ZNF385D: variants seen among roughly 807,000 people sequenced by gnomAD.
ZNF385D encodes zinc finger protein 659.
In ZNF385D, 15 loss-of-function variants were observed where a neutral mutation model predicts 35.8. The ratio of observed to expected loss-of-function variants is 0.42; its 90% confidence interval spans 0.28 to 0.64. The LOEUF (loss-of-function observed/expected upper bound fraction) is 0.64, where lower values mean the gene tolerates loss of function less well. Among genes scored for constraint, ZNF385D ranks in the 30% least tolerant of loss-of-function variants. The pLI is 0.23. For missense variants in ZNF385D, 474 were observed against 494.6 expected, an observed-to-expected ratio of 0.96 and a Z score of 0.39; for synonymous variants, 212 against 186.8, an observed-to-expected ratio of 1.13 and a Z score of -1.10.
intron 4 of ZNF385D, among the ~76,000 whole-genome samples, chr3:21,469,179 G>A (rs1382284524): frequency 3.3e-5 from 5 of 152,146 alleles, no homozygotes; most frequent in Non-Finnish European, 5.9e-5. Context: ...TGTAAATTAT[G>A]CCTCAACAAA....
chr3:22,279,035 G>A (rs779654926), intron 2 of ZNF385D, among the ~76,000 whole-genome samples: 2 of 152,210 alleles, frequency 1.3e-5, no homozygotes, highest in African/African-American at 2.4e-5. Context: ...TTCCTACACA[G>A]AAATGTTACA....
At chr3:22,221,659 G>C (rs545221107) in intron 2 of ZNF385D, among the ~76,000 whole-genome samples, 1 of 152,134 alleles carries the variant, frequency 6.6e-6, no homozygotes, top group East Asian at 1.9e-4. Flanking sequence ...TAATAAAAAA[G>C]ACAACTCATT....
At chr3:21,871,904 G>A (rs1167275337) in intron 3 of ZNF385D, among the ~76,000 whole-genome samples, 1 of 151,934 alleles carries the variant, frequency 6.6e-6, no homozygotes, top group Non-Finnish European at 1.5e-5. Flanking sequence ...GGCTGAGACA[G>A]GAGAATCACT....
chr3:21,891,913 TA>T (rs777379059), intron 3 of ZNF385D, among the ~76,000 whole-genome samples: 1 of 152,170 alleles, frequency 6.6e-6, no homozygotes, highest in Non-Finnish European at 1.5e-5. Flanking sequence ...TCTGTCTGCT[TA>T]ATAGCTTTTT....
intron 3 of ZNF385D, among the ~76,000 whole-genome samples, chr3:22,089,196 T>A (rs912025975): frequency 1.3e-5 from 2 of 152,212 alleles, no homozygotes; most frequent in African/African-American, 2.4e-5. Context: ...GTCTGTAAAC[T>A]GTTTACCATT....
At chr3:21,869,020 A>C (rs564983254) in intron 3 of ZNF385D, among the ~76,000 whole-genome samples, 1 of 152,042 alleles carries the variant, frequency 6.6e-6, no homozygotes, top group Non-Finnish European at 1.5e-5. Context: ...AAAAAACAAC[A>C]TTCATTTTGT....
At chr3:21,461,564 A>G (rs1021516245) in intron 4 of ZNF385D, among the ~76,000 whole-genome samples, 8 of 151,808 alleles carry the variant, frequency 5.3e-5, no homozygotes, top group African/African-American at 1.9e-4. Flanking sequence ...AAACAAACAA[A>G]CAAACAAACA....
Position 21,879,674 on chromosome 3 carries a change from T to C in ZNF385D, c.326-214646A>G, listed in dbSNP as rs138446407. 3.2e-3 allele frequency among the ~76,000 whole-genome samples: 480 copies of C among 152,076 alleles called. 4 individuals are homozygous for C. The highest frequency in any genetic ancestry group is 0.011 in the African/African-American group (458 of 41,530). ...AATAGTCACAGAGGTCAGGAATCAC[T>C]AAACATAAAATAAGCAGCTGTCTCT... is the stretch of plus-strand genomic sequence containing the variant. On this transcript the variant is annotated intron_variant, in intron 3 of 5. Transcript: ENST00000494108.
chr3:21,883,789 T>C (rs570255682), intron 3 of ZNF385D, among the ~76,000 whole-genome samples: 1 of 152,160 alleles, frequency 6.6e-6, no homozygotes, highest in Admixed American at 6.6e-5. Context: ...AATGGGATTA[T>C]TTAGGCAATG....
chr3:22,257,354 C>G (rs1347376931), intron 2 of ZNF385D, among the ~76,000 whole-genome samples: 2 of 151,658 alleles, frequency 1.3e-5, no homozygotes, highest in African/African-American at 4.8e-5. Context: ...TTATCACTTC[C>G]ACTCATGCTA....
intron 3 of ZNF385D, among the ~76,000 whole-genome samples, chr3:21,535,904 C>T (rs937159986): frequency 6.6e-6 from 1 of 152,058 alleles, no homozygotes; most frequent in Non-Finnish European, 1.5e-5. Context: ...AAATACACAA[C>T]TGCCTATACG....
At chr3:21,768,244 T>C (rs1313609872) in intron 3 of ZNF385D, among the ~76,000 whole-genome samples, 1 of 152,134 alleles carries the variant, frequency 6.6e-6, no homozygotes, top group African/African-American at 2.4e-5. Context: ...ATAATCAGAA[T>C]AAAATGTTAA....
chr3:21,982,129 TAGG>T (rs1198348395), intron 3 of ZNF385D, among the ~76,000 whole-genome samples: 2 of 151,274 alleles, frequency 1.3e-5, no homozygotes, highest in Non-Finnish European at 2.9e-5. Flanking sequence ...GGTAGTTTGA[TAGG>T]AGTAGCCCTG....
chr3:21,512,545 A>T (rs1707292603), intron 3 of ZNF385D, among the ~76,000 whole-genome samples: 1 of 152,252 alleles, frequency 6.6e-6, no homozygotes, highest in Non-Finnish European at 1.5e-5. Flanking sequence ...TCCTCAAAGG[A>T]CTAGGTACCC....
At chr3:22,085,695 C>A (rs1020133952) in intron 3 of ZNF385D, among the ~76,000 whole-genome samples, 2 of 150,826 alleles carry the variant, frequency 1.3e-5, no homozygotes, top group Non-Finnish European at 3.0e-5. Context: ...CAAACCCTAA[C>A]TCATTTTATG....
chr3:21,484,322 A>G (rs1704864947), intron 4 of ZNF385D, among the ~76,000 whole-genome samples: 1 of 152,122 alleles, frequency 6.6e-6, no homozygotes, highest in Admixed American at 6.6e-5. Context: ...TAGAGGCACA[A>G]TGTTACAAAA....
chr3:21,428,386 C>T (rs954460310), intron 5 of ZNF385D, among the ~76,000 whole-genome samples: 2 of 152,018 alleles, frequency 1.3e-5, no homozygotes, highest in Admixed American at 6.6e-5. Flanking sequence ...ACAAAGCAAG[C>T]ATTACTTGAA....
chr3:21,440,299 CATG>C (rs1701793863), intron 4 of ZNF385D, among the ~76,000 whole-genome samples: 1 of 152,112 alleles, frequency 6.6e-6, no homozygotes, highest in Non-Finnish European at 1.5e-5. Context: ...ATACCCTTGA[CATG>C]ATGTGATGAA....
At chr3:22,174,596 T>C (rs1694692361) in intron 2 of ZNF385D, among the ~76,000 whole-genome samples, 2 of 152,178 alleles carry the variant, frequency 1.3e-5, no homozygotes, top group Admixed American at 6.5e-5. Flanking sequence ...ACAGACACTC[T>C]CATATAAATA....
Sources: allele counts gnomAD v4.1 joint callset (sites outside exome capture counted in the v4.1 genomes callset), GRCh38; gene constraint gnomAD v4.1.1; transcripts MANE v1.5; gene names NCBI Gene and HGNC (gene_info 2026-07-23, HGNC 2026-07-21).